ETV7: variants seen among roughly 807,000 people sequenced by gnomAD.
The protein encoded by ETV7 is ETS variant transcription factor 7, also known as transcription factor ETV7.
Under a neutral mutation model 39.1 loss-of-function variants are expected in ETV7, and 43 were observed. The observed-to-expected ratio is 1.10, with a 90% CI of 0.86 to 1.42. The LOEUF is 1.42. Among genes scored for constraint, ETV7 ranks in the 40% most tolerant of loss-of-function variants. ETV7 has a pLI of 0.00. For synonymous variants in ETV7, 196 were observed against 176.6 expected, an observed-to-expected ratio of 1.11 and a Z score of -0.87; for missense variants, 432 against 442.3, an observed-to-expected ratio of 0.98 and a Z score of 0.21.
At chr6:36,378,167 T>C (rs1331009845) in intron 2 of ETV7, among the ~76,000 whole-genome samples, 1 of 151,710 alleles carries the variant, frequency 6.6e-6, no homozygotes, top group Admixed American at 6.6e-5. Context: ...TGTGTGTATG[T>C]ATATTTTGTA....
chr6:36,359,859 G>A (rs1458216405), intron 7 of ETV7, among the ~76,000 whole-genome samples: 1 of 152,042 alleles, frequency 6.6e-6, no homozygotes. Context: ...TAGAAGGGTG[G>A]TGTAACTAAA....
rs1418857238 is a variant in ETV7, at chr6:36,369,904, C to T, written c.665-833G>A. Among the ~76,000 whole-genome samples the T allele has an allele frequency of 4.7e-5, 6 of 127,302 alleles. No individual in the cohort carries two copies. In the South Asian group the frequency reaches 9.7e-4, roughly 21 times the overall value. 83.5% of individuals were successfully genotyped at this position (127,302 alleles called of 152,430 possible). ...CTGGCAACAGAGTGAGACCCTGTCT[C>T]TTAAAAAAAAAAAAACCCAGTAATT... On this transcript the variant is annotated intron_variant, in intron 5 of 7. Transcript: ENST00000340181.
At chr6:36,361,399 G>A (rs533846891), downstream of ETV7, among the ~76,000 whole-genome samples, 1 of 152,236 alleles carries the variant, frequency 6.6e-6, no homozygotes, top group East Asian at 1.9e-4. Flanking sequence ...TGTGTTTTCT[G>A]TGTGTCTCTA....
chr6:36,361,125 T>A (rs143182071), intron 7 of ETV7, among the ~76,000 whole-genome samples: 74 of 152,258 alleles, frequency 4.9e-4, no homozygotes, highest in African/African-American at 1.4e-3. Flanking sequence ...AAAATCAAGA[T>A]CACGATTAAA....
Position 36,366,424 on chromosome 6 carries a change from G to T in ETV7, c.*221C>A. 7.1e-7 allele frequency: 1 copy of T among 1,410,214 alleles called. No individual in the cohort carries two copies. The highest frequency in any genetic ancestry group is 9.2e-7 in the Non-Finnish European group (1 of 1,084,010). 87.4% of individuals were successfully genotyped at this position (1,410,214 alleles called of 1,614,324 possible). A position where few individuals can be genotyped will look rare whatever the true frequency, so the allele number is the denominator to read the frequency against. ...GCAGTAGGGGAGAGTCCATTCCCCT[G>T]TACCTCATTTAGCCCCAGGATTGCC... On this transcript the variant is annotated 3_prime_UTR_variant, in exon 8 of 8. Coordinates refer to ENST00000340181, the MANE Select transcript of ETV7 (RefSeq NM_016135.4).
chr6:36,377,297 CAAAAATACAAAAAAGA>C, intron 2 of ETV7, among the ~76,000 whole-genome samples: 1 of 152,078 alleles, frequency 6.6e-6, no homozygotes, highest in African/African-American at 2.4e-5. Flanking sequence ...CCCGTCTCTC[CAAAAATACAAAAAAGA>C]AAATTTAGCC....
intron 3 of ETV7, 46 bp downstream of exon 3, chr6:36,375,825 C>T (rs761659673): frequency 6.2e-7 from 1 of 1,612,566 alleles, no homozygotes; most frequent in East Asian, 2.2e-5. Flanking sequence ...GCCATCCTGG[C>T]CTACCAGGGT....
At position 36,373,597 on chromosome 6, in the gene ETV7, G is replaced by A; in HGVS notation, c.308-19C>T. 2 of 873,192 alleles carry A rather than the reference G, an allele frequency of 2.3e-6. No individual in the cohort carries two copies. The highest frequency in any genetic ancestry group is 3.4e-6 in the Non-Finnish European group (2 of 592,280). The allele number at this position is 873,192 out of a possible 1,614,324, so 54.1% of individuals were successfully genotyped here. ...ACGTCACCTGGAGGTGGGTGGGAGG[G>A]AGGGCAGGCTGCTGAACAGGCCACG... On this transcript the variant is annotated intron_variant, in intron 3 of 7. Coordinates refer to ENST00000340181, the MANE Select transcript of ETV7 (RefSeq NM_016135.4).
chr6:36,369,091 G>C lies in ETV7; in HGVS notation c.665-20C>G. On this transcript the variant is annotated intron_variant, in intron 5 of 7. Coordinates refer to ENST00000340181, the MANE Select transcript of ETV7 (RefSeq NM_016135.4). ...GGCAGTCTGCAATTTAGCACAGGGA[G>C]TGCAGGCAGCGCAGCTTTACTGGAG... 6.2e-7 allele frequency: 1 copy of C among 1,613,722 alleles called. No individual in the cohort carries two copies. Among genetic ancestry groups the C allele is most frequent in the Admixed American group, 1.7e-5 (1 of 60,030 alleles).
rs758335292 is a variant in ETV7 at position 36,368,972 on chromosome 6, A to G, written c.764T>C (p.Val255Ala). Residue 255 changes from valine to alanine, a missense_variant, in exon 6 of 8, where the codon GTT (valine) becomes GCT (alanine). Val to Ala is a moderately conservative substitution (Grantham distance 64). Transcript: ENST00000340181. ...WEDKDAKIFR[V>A]VDPNGLARLW... is the part of the protein sequence containing the mutation. ...TCTGGCGAGCCCATTTGGATCCACA[A>G]CTCGGAAGATCTTGGCGTCCTTGTC... 3 of 1,614,042 alleles carry G rather than the reference A, an allele frequency of 1.9e-6. No homozygotes were observed. Among genetic ancestry groups the G allele is most frequent in the Non-Finnish European group, 1.7e-6 (2 of 1,179,992 alleles).
downstream of ETV7, among the ~76,000 whole-genome samples, chr6:36,363,050 T>A (rs1772560098): frequency 6.6e-6 from 1 of 152,178 alleles, no homozygotes; most frequent in South Asian, 2.1e-4. Context: ...GCAGTTCCCT[T>A]CTCTGTAAAA....
chr6:36,356,323 C>CAAAAAAAAAAAAAA (rs59649348), intron 7 of ETV7, among the ~76,000 whole-genome samples: 23 of 77,650 alleles, frequency 3.0e-4, no homozygotes, highest in Non-Finnish European at 4.9e-4. Flanking sequence ...GACCCTGTCT[C>CAAAAAAAAAAAAAA]AAAAAAAAAA....
chr6:36,385,267 A>G (rs1293840081), intron 2 of ETV7, among the ~76,000 whole-genome samples: 2 of 152,112 alleles, frequency 1.3e-5, no homozygotes, highest in Non-Finnish European at 2.9e-5. Context: ...CTTGAGCCCA[A>G]GAGTTCAAGA....
intron 2 of ETV7, among the ~76,000 whole-genome samples, chr6:36,383,115 T>C (rs1369792571): frequency 6.6e-6 from 1 of 152,146 alleles, no homozygotes; most frequent in Non-Finnish European, 1.5e-5. Context: ...CTGAAAATGG[T>C]CCTAGAGTCT....
Position 36,371,563 on chromosome 6 carries a change from G to A in ETV7, c.434-3C>T. 6.4e-7 allele frequency: 1 copy of A among 1,574,318 alleles called. No homozygotes were observed. The highest frequency in any genetic ancestry group is 8.6e-7 in the Non-Finnish European group (1 of 1,162,120). On this transcript the variant is annotated splice_region_variant and splice_polypyrimidine_tract_variant and intron_variant, in intron 4 of 7. Coordinates refer to ENST00000340181, the MANE Select transcript of ETV7 (RefSeq NM_016135.4). The stretch of plus-strand genomic sequence containing the variant: ...CATCTGAGAGGGGCCAGTCACCTCT[G>A]CAAGCAGATGAGCACCAGTGGTAGC...
chr6:36,373,166 A>G (rs1447257224), intron 4 of ETV7, among the ~76,000 whole-genome samples: 1 of 152,064 alleles, frequency 6.6e-6, no homozygotes. Flanking sequence ...AGGTTTCTGG[A>G]GACCTTGACA....
At chr6:36,377,040 T>C (rs1773410322) in intron 2 of ETV7, among the ~76,000 whole-genome samples, 1 of 152,220 alleles carries the variant, frequency 6.6e-6, no homozygotes, top group South Asian at 2.1e-4. Context: ...AAGTGGCTGC[T>C]TATTCTCCCC....
In ETV7 at chr6:36,371,419, A is replaced by G; in HGVS notation, c.575T>C (p.Leu192Ser). ...GCAGCCGAGCTCTGCACAGTGACAT[A>G]AGTTGAGGGACTCCTCCTTGCCAGG... Reference protein sequence around the residue: ...WTPGKEESLNLCHCAELGCRT... With the variant: ...WTPGKEESLNSCHCAELGCRT... The change falls in exon 5 of 8, where the codon TTA becomes TCA. Residue 192 changes from leucine to serine, a missense_variant. Coordinates refer to ENST00000340181, the MANE Select transcript of ETV7 (RefSeq NM_016135.4). 2 of 1,602,822 alleles carry G rather than the reference A, an allele frequency of 1.2e-6. No individual in the cohort carries two copies. The highest frequency in any genetic ancestry group is 1.7e-6 in the Non-Finnish European group (2 of 1,174,110).
chr6:36,374,728 G>T (rs867898728), intron 3 of ETV7, among the ~76,000 whole-genome samples: 1 of 152,312 alleles, frequency 6.6e-6, no homozygotes, highest in East Asian at 1.9e-4. Flanking sequence ...AGAGACGAAA[G>T]TTCCAGCAGC....
Sources: gnomAD v4.1 joint callset for allele counts (sites outside exome capture counted in the v4.1 genomes callset) on GRCh38, gnomAD v4.1.1 for gene constraint, MANE v1.5 for transcripts, NCBI Gene and HGNC (gene_info 2026-07-23, HGNC 2026-07-21) for gene names.